Variants in RIMS2 observed in about 807,000 individuals in gnomAD.
The protein encoded by RIMS2 is regulating synaptic membrane exocytosis 2.
In RIMS2, 59 loss-of-function variants were observed where a neutral mutation model predicts 174.4. That is an observed-to-expected ratio of 0.34 (90% CI 0.27 to 0.42). The LOEUF (loss-of-function observed/expected upper bound fraction) is 0.42, where lower values mean the gene tolerates loss of function less well. Ranked by LOEUF, RIMS2 falls within the 10% of genes least tolerant of loss-of-function variation. RIMS2 has a pLI of 1.00. For missense variants in RIMS2, 1,620 were observed against 1,666.3 expected, an observed-to-expected ratio of 0.97 and a Z score of 0.48; for synonymous variants, 606 against 572.5, an observed-to-expected ratio of 1.06 and a Z score of -0.84.
intron 2 of RIMS2, among the ~76,000 whole-genome samples, chr8:103,757,443 A>G (rs9650008): frequency 0.23 from 34,908 of 151,706 alleles, 4,298 homozygotes; most frequent in Non-Finnish European, 0.25. Context: ...GTTCGTCTTT[A>G]TTCATTTCTT....
chr8:104,099,554 A>T (rs1353017357), intron 19 of RIMS2, among the ~76,000 whole-genome samples: 1 of 152,316 alleles, frequency 6.6e-6, no homozygotes, highest in Admixed American at 6.5e-5. Context: ...ACAGGTGATT[A>T]TGATGCCAGT....
intron 1 of RIMS2, among the ~76,000 whole-genome samples, chr8:103,617,931 T>C (rs1365565248): frequency 6.6e-6 from 1 of 152,156 alleles, no homozygotes; most frequent in African/African-American, 2.4e-5. Flanking sequence ...TCAACCATTG[T>C]GGAAAGCAAT....
chr8:104,078,601 A>C (rs2097346066), intron 19 of RIMS2, among the ~76,000 whole-genome samples: 1 of 152,194 alleles, frequency 6.6e-6, no homozygotes, highest in African/African-American at 2.4e-5. Context: ...GGTACTGAAG[A>C]CTAGGACTTC....
chr8:104,244,262 C>A lies in RIMS2; in HGVS notation c.3335-654C>A, dbSNP rs544606756. Among the ~76,000 whole-genome samples the A allele has an allele frequency of 2.6e-4, 39 of 152,282 alleles. No individual in the cohort carries two copies. The South Asian group carries it at 5.0e-3, about 19-fold the overall frequency. The stretch of plus-strand genomic sequence containing the variant: ...CTACCCGTGAACAAAAATTAAAAAT[C>A]TCTTTTCACATTATTTTGGTGAGTT... On this transcript the variant is annotated intron_variant, in intron 19 of 23. Transcript: ENST00000504942.
exon 4 of RIMS2, chr8:103,885,723 A>G: frequency 6.2e-7 from 1 of 1,613,046 alleles, no homozygotes; most frequent in East Asian, 2.2e-5. Flanking sequence ...TCTTTGGCAA[A>G]TGCTGATCTG....
chr8:103,893,254 A>ACCCAGCTTT (rs2099257768), intron 4 of RIMS2, among the ~76,000 whole-genome samples: 1 of 152,100 alleles, frequency 6.6e-6, no homozygotes, highest in Non-Finnish European at 1.5e-5. Flanking sequence ...TTTGGGGTAC[A>ACCCAGCTTT]GGAGTAAAAT....
intron 1 of RIMS2, among the ~76,000 whole-genome samples, chr8:103,677,986 CTG>C (rs1238319465): frequency 6.6e-6 from 1 of 152,134 alleles, no homozygotes; most frequent in Non-Finnish European, 1.5e-5. Flanking sequence ...AGGTTACAGT[CTG>C]TGTATACATC....
At chr8:103,738,505 T>C (rs1281690736) in intron 2 of RIMS2, among the ~76,000 whole-genome samples, 1 of 152,022 alleles carries the variant, frequency 6.6e-6, no homozygotes, top group Non-Finnish European at 1.5e-5. Context: ...CCAAAAGCAA[T>C]AGCAACAAAA....
chr8:103,545,410 C>T (rs187120171), intron 1 of RIMS2, among the ~76,000 whole-genome samples: 2 of 152,208 alleles, frequency 1.3e-5, no homozygotes, highest in Non-Finnish European at 2.9e-5. Flanking sequence ...ATTGCCATCC[C>T]TGAAAGAGAG....
exon 4 of RIMS2, chr8:103,886,013 G>A (rs770388449): frequency 6.2e-7 from 1 of 1,612,892 alleles, no homozygotes. Flanking sequence ...AACAAAACGG[G>A]AAAAAATGGA....
chr8:103,626,848 A>G (rs963187589), intron 1 of RIMS2, among the ~76,000 whole-genome samples: 2 of 152,120 alleles, frequency 1.3e-5, no homozygotes, highest in Non-Finnish European at 2.9e-5. Flanking sequence ...TACAAACAGG[A>G]AGTAGGTCAC....
At chr8:104,208,632 A>G (rs1353739479) in intron 19 of RIMS2, among the ~76,000 whole-genome samples, 1 of 152,198 alleles carries the variant, frequency 6.6e-6, no homozygotes, top group African/African-American at 2.4e-5. Context: ...ACATAACAAG[A>G]GAAACCACAA....
At chr8:103,688,840 T>C in intron 1 of RIMS2, among the ~76,000 whole-genome samples, 1 of 99,684 alleles carries the variant, frequency 1.0e-5, no homozygotes, top group East Asian at 3.2e-4. Flanking sequence ...TTTTTAAATT[T>C]CTGATTTCAC....
chr8:103,625,823 TGATA>T (rs914846303), intron 1 of RIMS2, among the ~76,000 whole-genome samples: 27 of 152,170 alleles, frequency 1.8e-4, no homozygotes, highest in Non-Finnish European at 2.5e-4. Flanking sequence ...TCTGCTTTTA[TGATA>T]GATAGTTGTA....
chr8:104,120,002 T>G (rs1164210568), intron 19 of RIMS2, among the ~76,000 whole-genome samples: 1 of 152,230 alleles, frequency 6.6e-6, no homozygotes, highest in Non-Finnish European at 1.5e-5. Flanking sequence ...AATAAGTTTT[T>G]TAGCATATTT....
intron 2 of RIMS2, among the ~76,000 whole-genome samples, chr8:103,722,047 A>G (rs1481635700): frequency 6.6e-6 from 1 of 152,154 alleles, no homozygotes; most frequent in Non-Finnish European, 1.5e-5. Context: ...TCAGGAAACC[A>G]GGGTAGATAT....
At chr8:103,927,231 C>T (rs1595298777) in intron 10 of RIMS2, among the ~76,000 whole-genome samples, 1 of 151,488 alleles carries the variant, frequency 6.6e-6, no homozygotes, top group Non-Finnish European at 1.5e-5. Flanking sequence ...TGTTTCAATA[C>T]TAGAACCTGA....
intron 16 of RIMS2, among the ~76,000 whole-genome samples, chr8:103,988,831 A>C (rs1004263112): frequency 2.0e-5 from 3 of 152,166 alleles, no homozygotes; most frequent in Non-Finnish European, 2.9e-5. Context: ...GAGATGGCGC[A>C]AAGTGTGCAA....
intron 2 of RIMS2, among the ~76,000 whole-genome samples, chr8:103,720,829 A>G (rs1479197765): frequency 6.6e-6 from 1 of 152,230 alleles, no homozygotes; most frequent in African/African-American, 2.4e-5. Context: ...TTGTTTGAAT[A>G]TATTATACAT....
Sources: allele counts gnomAD v4.1 joint callset (sites outside exome capture counted in the v4.1 genomes callset), GRCh38; gene constraint gnomAD v4.1.1; transcripts MANE v1.5; gene names NCBI Gene and HGNC (gene_info 2026-07-23, HGNC 2026-07-21).